SPRR2F: variants seen among roughly 807,000 people sequenced by gnomAD.
SPRR2F encodes the protein small proline-rich protein 2F.
SPRR2F carries 2 observed loss-of-function variants against 0.8 expected under a neutral mutation model. The ratio of observed to expected loss-of-function variants is 2.52; its 90% CI spans 1.03 to 7.95. The LOEUF (loss-of-function observed/expected upper bound fraction) is 7.95, where lower values mean the gene tolerates loss of function less well. Among genes scored for constraint, SPRR2F ranks in the 30% most tolerant of loss-of-function variants. SPRR2F has a pLI of 0.04. For missense variants in SPRR2F, 80 were observed against 85.8 expected (o/e 0.93, Z 0.27); for synonymous variants, 39 against 33.4 (o/e 1.17, Z -0.58).
upstream of SPRR2F, among the ~76,000 whole-genome samples, chr1:153,115,315 C>A (rs1655701815): frequency 6.6e-6 from 1 of 152,228 alleles, no homozygotes. Flanking sequence ...AACAGCCTCA[C>A]ATCACATCTA....
At chr1:153,118,164 T>G (rs1280823687), upstream of SPRR2F, among the ~76,000 whole-genome samples, 1 of 152,032 alleles carries the variant, frequency 6.6e-6, no homozygotes, top group Non-Finnish European at 1.5e-5. Context: ...TGTCCTTCAG[T>G]AGATAAATAG....
chr1:153,119,166 CA>C, the SPRR2F span, among the ~76,000 whole-genome samples: 1 of 152,112 alleles, frequency 6.6e-6, no homozygotes, highest in African/African-American at 2.4e-5. Context: ...CAAAATCAAG[CA>C]ATCATGGAAG....
rs1655625514 is a variant in SPRR2F at position 153,112,693 on chromosome 1, G to A, written c.41C>T (p.Pro14Leu). ...QQQQCKQPCQ[P>L]PPVCPAPKCP... is the part of the protein sequence containing the mutation. ...CTTTGGCGCGGGGCACACAGGAGGT[G>A]GCTGGCAGGGCTGCTTGCACTGCTG... The change falls in exon 2 of 2, where the codon CCA becomes CTA. Residue 14 changes from proline (P) to leucine (L), a missense_variant. Coordinates refer to ENST00000468739, the MANE Select transcript of SPRR2F (RefSeq NM_001014450.3). 1 of 1,612,116 alleles carries A rather than the reference G, an allele frequency of 6.2e-7. No homozygotes were observed. The highest frequency in any genetic ancestry group is 1.3e-5 in the African/African-American group (1 of 74,860).
upstream of SPRR2F, among the ~76,000 whole-genome samples, chr1:153,118,124 A>G (rs371062712): frequency 1.3e-5 from 2 of 152,114 alleles, no homozygotes; most frequent in East Asian, 3.8e-4. Context: ...AGCTTTATTC[A>G]TAATTTCCAA....
chr1:153,119,326 A>G, the SPRR2F span, among the ~76,000 whole-genome samples: 1 of 152,198 alleles, frequency 6.6e-6, no homozygotes, highest in African/African-American at 2.4e-5. Flanking sequence ...AAAAGATCCA[A>G]CTCTATGCTA....
At chr1:153,112,885 A>G (rs774766777) in intron 1 of SPRR2F, 133 bp from the exon 2 acceptor site, 50 of 1,415,778 alleles carry the variant, frequency 3.5e-5, no homozygotes, top group Non-Finnish European at 4.3e-5. Flanking sequence ...TCCCTTTTCA[A>G]GAGTCCCTGG....
At chr1:153,117,169 T>C (rs548832281), upstream of SPRR2F, among the ~76,000 whole-genome samples, 20 of 152,130 alleles carry the variant, frequency 1.3e-4, no homozygotes, top group South Asian at 4.1e-3. Context: ...CAAATGAAAA[T>C]ATTTTATTTG....
In SPRR2F at chr1:153,112,767, A is replaced by G. The variant is rs1268160495; in HGVS notation, c.-19-15T>C. On this transcript the variant is annotated splice_polypyrimidine_tract_variant and intron_variant, in intron 1 of 1. Transcript: ENST00000468739. Reference sequence around the variant, plus strand: ...AGTCTCAGAATCTGAAAGAAATTATATGACAGTGTTCACGGGAAGGGAATC... The same window carrying G: ...AGTCTCAGAATCTGAAAGAAATTATGTGACAGTGTTCACGGGAAGGGAATC... 9 of 1,610,330 alleles carry G rather than the reference A, an allele frequency of 5.6e-6. No homozygotes were observed. The highest frequency in any genetic ancestry group is 7.6e-6 in the Non-Finnish European group (9 of 1,179,832).
At chr1:153,116,906 T>C (rs1426738338), upstream of SPRR2F, among the ~76,000 whole-genome samples, 1 of 152,072 alleles carries the variant, frequency 6.6e-6, no homozygotes, top group Non-Finnish European at 1.5e-5. Context: ...GTGATAATAA[T>C]AGTACCTACC....
upstream of SPRR2F, among the ~76,000 whole-genome samples, chr1:153,118,218 T>A (rs1331624692): frequency 6.6e-6 from 1 of 152,086 alleles, no homozygotes; most frequent in Non-Finnish European, 1.5e-5. Flanking sequence ...TGGAATACTG[T>A]ACAGTGACAA....
chr1:153,115,361 C>G (rs776908109), upstream of SPRR2F, among the ~76,000 whole-genome samples: 1 of 152,146 alleles, frequency 6.6e-6, no homozygotes, highest in Non-Finnish European at 1.5e-5. Context: ...TGATTTCTAA[C>G]ATGCAAAATT....
upstream of SPRR2F, among the ~76,000 whole-genome samples, chr1:153,115,815 GTTCT>G (rs1203452817): frequency 6.6e-6 from 1 of 151,990 alleles, no homozygotes; most frequent in African/African-American, 2.4e-5. Flanking sequence ...TTAGCTTTAT[GTTCT>G]TTAACAGTCT....
upstream of SPRR2F, among the ~76,000 whole-genome samples, chr1:153,114,610 C>T (rs1471422493): frequency 6.6e-6 from 1 of 152,004 alleles, no homozygotes; most frequent in East Asian, 1.9e-4. Context: ...TGTATTCTTC[C>T]CCTCTGTTTC....
chr1:153,117,708 T>C (rs1220584583), upstream of SPRR2F, among the ~76,000 whole-genome samples: 1 of 152,106 alleles, frequency 6.6e-6, no homozygotes, highest in Non-Finnish European at 1.5e-5. Flanking sequence ...TGATTTTGTA[T>C]GCTTTGTGTT....
upstream of SPRR2F, among the ~76,000 whole-genome samples, chr1:153,115,284 A>G (rs1452276361): frequency 1.3e-5 from 2 of 152,220 alleles, no homozygotes; most frequent in Non-Finnish European, 2.9e-5. Flanking sequence ...CCTTTATTCA[A>G]TAGGTCACTT....
chr1:153,115,924 A>G (rs1374460128), upstream of SPRR2F, among the ~76,000 whole-genome samples: 6 of 152,218 alleles, frequency 3.9e-5, no homozygotes, highest in Non-Finnish European at 5.9e-5. Flanking sequence ...ACAAGAAAGA[A>G]CAAAAGCTTT....
chr1:153,113,821 C>G (rs1655656780), upstream of SPRR2F, among the ~76,000 whole-genome samples: 1 of 151,926 alleles, frequency 6.6e-6, no homozygotes, highest in Non-Finnish European at 1.5e-5. Flanking sequence ...GGGCAATGAT[C>G]CTTTCCTGTC....
upstream of SPRR2F, among the ~76,000 whole-genome samples, chr1:153,116,142 G>A (rs563044482): frequency 2.6e-5 from 4 of 152,210 alleles, no homozygotes; most frequent in South Asian, 4.2e-4. Context: ...CCTGAATATA[G>A]GCTTACATTC....
At chr1:153,118,676 G>A in the SPRR2F span, among the ~76,000 whole-genome samples, 21 of 152,060 alleles carry the variant, frequency 1.4e-4, no homozygotes, top group African/African-American at 2.9e-4. Flanking sequence ...AACCTGAGGC[G>A]GTTCATTGCT....
Sources: allele counts gnomAD v4.1 joint callset (sites outside exome capture counted in the v4.1 genomes callset), GRCh38; gene constraint gnomAD v4.1.1; transcripts MANE v1.5; gene names NCBI Gene and HGNC (gene_info 2026-07-23, HGNC 2026-07-21).